RIC8B: variants seen among roughly 807,000 people sequenced by gnomAD.
RIC8B encodes the protein chaperone Ric-8B.
In RIC8B, 16 loss-of-function variants were observed where a neutral mutation model predicts 57.5. The observed-to-expected ratio is 0.28, with a 90% CI of 0.19 to 0.42. RIC8B has a LOEUF of 0.42. Ranked by LOEUF, RIC8B falls within the 10% of genes least tolerant of loss-of-function variation. RIC8B has a pLI of 1.00. For missense variants in RIC8B, 481 were observed against 677.0 expected (o/e 0.71, Z 3.21); for synonymous variants, 216 against 250.8 (o/e 0.86, Z 1.31).
At chr12:106,819,162 T>C (rs893779154) in intron 3 of RIC8B, among the ~76,000 whole-genome samples, 1 of 152,230 alleles carries the variant, frequency 6.6e-6, no homozygotes, top group African/African-American at 2.4e-5. Flanking sequence ...TCTTAGTCTT[T>C]TTTCTTCACA....
At chr12:106,799,534 A>G (rs1272053859) in intron 2 of RIC8B, among the ~76,000 whole-genome samples, 2 of 152,196 alleles carry the variant, frequency 1.3e-5, no homozygotes, top group Non-Finnish European at 2.9e-5. Context: ...CTTCAACTAT[A>G]CTGTTTCAAT....
At chr12:106,850,297 G>A (rs1321389124) in intron 6 of RIC8B, among the ~76,000 whole-genome samples, 1 of 152,136 alleles carries the variant, frequency 6.6e-6, no homozygotes, top group Non-Finnish European at 1.5e-5. Context: ...AGGATGCAGA[G>A]ACTATAAAAA....
chr12:106,826,942 C>T (rs758331922), intron 4 of RIC8B, among the ~76,000 whole-genome samples: 10 of 151,994 alleles, frequency 6.6e-5, no homozygotes, highest in Non-Finnish European at 8.8e-5. Flanking sequence ...GATGTGGTGG[C>T]GCACGCCTGT....
At chr12:106,847,609 G>A (rs1417835574) in intron 6 of RIC8B, among the ~76,000 whole-genome samples, 3 of 152,054 alleles carry the variant, frequency 2.0e-5, no homozygotes, top group Non-Finnish European at 4.4e-5. Flanking sequence ...TTCCATTTTT[G>A]TTTATAGCTG....
chr12:106,802,785 A>C (rs932623396), intron 2 of RIC8B, among the ~76,000 whole-genome samples: 2 of 152,062 alleles, frequency 1.3e-5, no homozygotes, highest in Non-Finnish European at 2.9e-5. Context: ...TTTCTCTGCT[A>C]CCTTAAGCAA....
intron 7 of RIC8B, among the ~76,000 whole-genome samples, chr12:106,854,920 C>G (rs1252218276): frequency 6.6e-6 from 1 of 152,140 alleles, no homozygotes; most frequent in East Asian, 1.9e-4. Context: ...CATAATGGCC[C>G]ACAGGTTAAC....
chr12:106,833,616 A>T (rs1207755543), intron 4 of RIC8B, among the ~76,000 whole-genome samples: 1 of 152,136 alleles, frequency 6.6e-6, no homozygotes. Context: ...AAGAAAAAAA[A>T]AATTATCAAA....
intron 8 of RIC8B, among the ~76,000 whole-genome samples, chr12:106,865,493 C>T (rs556309040): frequency 6.6e-6 from 1 of 152,180 alleles, no homozygotes; most frequent in East Asian, 1.9e-4. Flanking sequence ...GTGTATACCC[C>T]GATATTCCTG....
chr12:106,790,507 T>TTGAAGC (rs2044222060), intron 2 of RIC8B, among the ~76,000 whole-genome samples: 1 of 152,256 alleles, frequency 6.6e-6, no homozygotes, highest in Non-Finnish European at 1.5e-5. Context: ...ATTTGCTTTA[T>TTGAAGC]ATTCTGTACC....
At chr12:106,849,317 TTATTTATC>T (rs1949354556) in intron 6 of RIC8B, among the ~76,000 whole-genome samples, 1 of 147,948 alleles carries the variant, frequency 6.8e-6, no homozygotes, top group African/African-American at 2.5e-5. Context: ...ATTTATTTAT[TTATTTATC>T]TATTTTTTGT....
chr12:106,794,291 G>A (rs957527022), intron 2 of RIC8B, among the ~76,000 whole-genome samples: 2 of 152,090 alleles, frequency 1.3e-5, no homozygotes, highest in Non-Finnish European at 2.9e-5. Flanking sequence ...AAAGAAAAAC[G>A]AAGAGAGCCT....
chr12:106,851,680 C>T, intron 7 of RIC8B, 86 bp downstream of exon 7: 1 of 1,150,892 alleles, frequency 8.7e-7, no homozygotes, highest in Non-Finnish European at 1.2e-6. Context: ...CTGGTCGTCT[C>T]ATTCCATTCT....
At chr12:106,775,182 C>A (rs2043403061) in intron 1 of RIC8B, 2 of 416,130 alleles carry the variant, frequency 4.8e-6, no homozygotes, top group East Asian at 1.2e-4. Flanking sequence ...ACCTGTATAG[C>A]ATAAAAATAC....
chr12:106,788,527 A>G (rs570465444), intron 2 of RIC8B, among the ~76,000 whole-genome samples: 2 of 152,336 alleles, frequency 1.3e-5, no homozygotes, highest in South Asian at 4.1e-4. Flanking sequence ...TTGCCTGGGC[A>G]TCCAGGCCTT....
chr12:106,822,968 G>A (rs1469559350), intron 3 of RIC8B: 1 of 153,706 alleles, frequency 6.5e-6, no homozygotes, highest in Non-Finnish European at 1.4e-5. Context: ...CATTTGTAGG[G>A]GGTATGGAAA....
chr12:106,830,055 G>C (rs117223908), intron 4 of RIC8B, among the ~76,000 whole-genome samples: 2 of 152,212 alleles, frequency 1.3e-5, no homozygotes, highest in African/African-American at 2.4e-5. Flanking sequence ...CTTCAGGCCA[G>C]TAACACACTG....
intron 3 of RIC8B, among the ~76,000 whole-genome samples, chr12:106,815,726 G>C (rs2045546275): frequency 6.6e-6 from 1 of 152,184 alleles, no homozygotes; most frequent in Non-Finnish European, 1.5e-5. Context: ...TGATCAATCA[G>C]AATTGGTGTC....
intron 3 of RIC8B, among the ~76,000 whole-genome samples, chr12:106,819,292 A>T (rs1460295910): frequency 6.6e-6 from 1 of 152,138 alleles, no homozygotes; most frequent in East Asian, 1.9e-4. Flanking sequence ...TTAAATAAAG[A>T]GCACCAATTG....
At chr12:106,851,198 C>G (rs1040546064) in intron 6 of RIC8B, among the ~76,000 whole-genome samples, 7 of 151,564 alleles carry the variant, frequency 4.6e-5, no homozygotes, top group African/African-American at 1.7e-4. Context: ...CGGAAATTCT[C>G]TTGAGGATAG....
Sources: gnomAD v4.1 joint callset for allele counts (sites outside exome capture counted in the v4.1 genomes callset) on GRCh38, gnomAD v4.1.1 for gene constraint, MANE v1.5 for transcripts, NCBI Gene and HGNC (gene_info 2026-07-23, HGNC 2026-07-21) for gene names.